Variants in CDC16 observed in about 807,000 individuals in gnomAD.
CDC16 encodes the protein cell division cycle 16.
A neutral mutation model predicts 87.0 loss-of-function variants in CDC16; 34 were observed. The ratio of observed to expected loss-of-function variants is 0.39; its 90% CI spans 0.30 to 0.52. The LOEUF (loss-of-function observed/expected upper bound fraction) is 0.52, where lower values mean the gene tolerates loss of function less well. Ranked by LOEUF, CDC16 falls within the 20% of genes least tolerant of loss-of-function variation. The pLI, the probability that CDC16 is intolerant of heterozygous loss-of-function variation, is 0.74. For synonymous variants in CDC16, 263 were observed against 260.6 expected, an observed-to-expected ratio of 1.01 and a Z score of -0.09; for missense variants, 653 against 751.9, an observed-to-expected ratio of 0.87 and a Z score of 1.54.
chr13:114,237,181 G>A (rs1160214139), intron 3 of CDC16, among the ~76,000 whole-genome samples: 2 of 151,466 alleles, frequency 1.3e-5, no homozygotes, highest in Non-Finnish European at 2.9e-5. Flanking sequence ...CTGAGTTCGT[G>A]CATTGCACTC....
In CDC16 at chr13:114,239,016, A is replaced by C; in HGVS notation, c.228A>C (p.Ala76=). The C allele has an allele frequency of 6.2e-7, 1 of 1,612,144 alleles. No individual in the cohort carries two copies. The highest frequency in any genetic ancestry group is 8.5e-7 in the Non-Finnish European group (1 of 1,178,796). The change falls in exon 4 of 18, where the codon GCA becomes GCC. Residue 76 remains alanine, a synonymous_variant. Transcript: ENST00000356221. ...DKLYEACRYL[A]ARCHYAAKEH... is the part of the protein sequence containing the mutation. Reference sequence around the variant, plus strand: ...TGTATGAAGCATGTCGTTACCTTGCAGCTAGGTGCCATGTAAGTATGCTCA... The same window carrying C: ...TGTATGAAGCATGTCGTTACCTTGCCGCTAGGTGCCATGTAAGTATGCTCA...
intron 17 of CDC16, among the ~76,000 whole-genome samples, chr13:114,269,205 G>A (rs1444536901): frequency 2.0e-5 from 3 of 152,176 alleles, no homozygotes; most frequent in African/African-American, 7.2e-5. Context: ...TGGGTGCTGA[G>A]TCTCTCTCTG....
chr13:114,262,548 CACTG>C (rs2082920402), intron 15 of CDC16, among the ~76,000 whole-genome samples: 1 of 152,200 alleles, frequency 6.6e-6, no homozygotes, highest in African/African-American at 2.4e-5. Context: ...TGATATGGGA[CACTG>C]ACTGTCACCT....
At chr13:114,260,356 A>G (rs542354462) in intron 14 of CDC16, among the ~76,000 whole-genome samples, 2 of 152,302 alleles carry the variant, frequency 1.3e-5, no homozygotes, top group East Asian at 1.9e-4. Flanking sequence ...GGATAATCCA[A>G]GTGTTTTGTT....
At chr13:114,257,306 G>C in intron 13 of CDC16, 76 bp downstream of exon 13, 55 of 777,590 alleles carry the variant, frequency 7.1e-5, no homozygotes, top group East Asian at 6.7e-5. Flanking sequence ...AGAGTTCACT[G>C]ACAAAAGCGA....
chr13:114,250,688 A>G lies in CDC16; in HGVS notation c.1097+14A>G, dbSNP rs2138994377. On this transcript the variant is annotated intron_variant, in intron 12 of 17. Transcript: ENST00000356221. ...GCTGATGAAAGGGTACGGCAGAGCA[A>G]ACTCATCAAACTCCATGAAGGGATG... The G allele has an allele frequency of 6.2e-7, 1 of 1,612,674 alleles. No individual in the cohort carries two copies. Among genetic ancestry groups the G allele is most frequent in the East Asian group, 2.2e-5 (1 of 44,840 alleles).
intron 13 of CDC16, among the ~76,000 whole-genome samples, chr13:114,258,703 A>G (rs2082656457): frequency 6.6e-6 from 1 of 152,228 alleles, no homozygotes; most frequent in Non-Finnish European, 1.5e-5. Context: ...TTGATCAATT[A>G]GAGAAAATGT....
chr13:114,239,439 C>G lies in CDC16; in HGVS notation c.330C>G (p.Asp110Glu). The change falls in exon 5 of 18, where the codon GAC (aspartate) becomes GAG (glutamate). Residue 110 changes from aspartate (D) to glutamate (E), a missense_variant. Coordinates refer to ENST00000356221, the MANE Select transcript of CDC16 (RefSeq NM_001078645.3). The part of the protein sequence containing the change: ...NKRLFEKYLK[D>E]ESGFKDPSSD... The stretch of plus-strand genomic sequence containing the variant: ...GATTATTTGAAAAATACTTGAAGGA[C>G]GAAAGTGGCTTCAAAGATCCTTCCA... 1 of 1,612,508 alleles carries G rather than the reference C, an allele frequency of 6.2e-7. No homozygotes were observed. The highest frequency in any genetic ancestry group is 8.5e-7 in the Non-Finnish European group (1 of 1,178,970).
chr13:114,251,407 T>A (rs573003479), intron 12 of CDC16, among the ~76,000 whole-genome samples: 1 of 152,338 alleles, frequency 6.6e-6, no homozygotes, highest in African/African-American at 2.4e-5. Flanking sequence ...TAATACCAAT[T>A]AAAGACTTTG....
At chr13:114,237,399 T>C (rs557700525) in intron 3 of CDC16, among the ~76,000 whole-genome samples, 1 of 152,124 alleles carries the variant, frequency 6.6e-6, no homozygotes, top group African/African-American at 2.4e-5. Flanking sequence ...AAGTGATCCT[T>C]CTGCCTCAGC....
Position 114,239,408 on chromosome 13 carries a change from A to G in CDC16, c.299A>G (p.Asn100Ser), listed in dbSNP as rs559575538. 46 of 1,613,476 alleles carry G rather than the reference A, an allele frequency of 2.9e-5. No individual in the cohort carries two copies. The East Asian group carries it at 9.4e-4, about 33-fold the overall frequency. Residue 100 changes from asparagine (N) to serine (S), a missense_variant, in exon 5 of 18, where the codon AAT becomes AGT. Asn to Ser is a conservative substitution (Grantham distance 46). Coordinates refer to ENST00000356221, the MANE Select transcript of CDC16 (RefSeq NM_001078645.3). ...GTTCTTGACATGGAAGAGCCCATCA[A>G]TAAAAGATTATTTGAAAAATACTTG... is the stretch of plus-strand genomic sequence containing the variant. Reference protein sequence around the residue: ...LDVLDMEEPINKRLFEKYLKD... With the variant: ...LDVLDMEEPISKRLFEKYLKD...
chr13:114,258,330 G>C (rs1365933250), intron 13 of CDC16, among the ~76,000 whole-genome samples: 3 of 152,220 alleles, frequency 2.0e-5, no homozygotes, highest in Non-Finnish European at 4.4e-5. Context: ...AGAAAGCTGG[G>C]TCTCCTGGCA....
At chr13:114,271,470 G>A (rs2083650257) in intron 17 of CDC16, among the ~76,000 whole-genome samples, 5 of 151,538 alleles carry the variant, frequency 3.3e-5, no homozygotes, top group Admixed American at 3.3e-4. Flanking sequence ...TACCCAATGG[G>A]CACAGCACAG....
chr13:114,236,136 G>A (rs1327117297), intron 1 of CDC16, among the ~76,000 whole-genome samples: 1 of 152,188 alleles, frequency 6.6e-6, no homozygotes, highest in Non-Finnish European at 1.5e-5. Context: ...ACTTGGAGGA[G>A]GTGAGTTCTT....
chr13:114,242,476 G>A, intron 6 of CDC16, 196 bp downstream of exon 6: 2 of 544,926 alleles, frequency 3.7e-6, no homozygotes, highest in Non-Finnish European at 6.4e-6. Flanking sequence ...TCCGAATCTA[G>A]GGATTGTGAT....
chr13:114,260,689 T>C (rs1290427129), intron 14 of CDC16, among the ~76,000 whole-genome samples: 1 of 152,206 alleles, frequency 6.6e-6, no homozygotes, highest in South Asian at 2.1e-4. Context: ...AAAATGCTCA[T>C]TAAAAAGTTA....
intron 14 of CDC16, among the ~76,000 whole-genome samples, chr13:114,259,963 T>G (rs1181620564): frequency 6.6e-6 from 1 of 152,216 alleles, no homozygotes. Flanking sequence ...CTAACAATTA[T>G]CAAGGATGTG....
chr13:114,238,884 AAGG>A lies in CDC16; in HGVS notation c.202-103_202-101del, dbSNP rs369535698. ...ATTTTTTTTTTAACTGCAAGAGTAA[AAGG>A]AGAAATTATGAAATTAGTTCTATTT... On this transcript the variant is annotated intron_variant, in intron 3 of 17. Coordinates refer to ENST00000356221, the MANE Select transcript of CDC16 (RefSeq NM_001078645.3). 597 of 1,407,014 alleles carry A rather than the reference AAGG, an allele frequency of 4.2e-4. 3 individuals are homozygous for A. In the African/African-American group the frequency reaches 8.1e-3, roughly 19 times the overall value. 87.2% of individuals were successfully genotyped at this position (1,407,014 alleles called of 1,614,324 possible). A position where few individuals can be genotyped will look rare whatever the true frequency, so the allele number is the denominator to read the frequency against.
At chr13:114,246,904 G>GTT (rs774293906) in intron 10 of CDC16, 27 bp from the exon 11 acceptor site, 52 of 1,457,206 alleles carry the variant, frequency 3.6e-5, no homozygotes, top group Admixed American at 3.0e-4. Context: ...TCCAATCTTT[G>GTT]TTTATGGTAA....
Sources: allele counts gnomAD v4.1 joint callset (sites outside exome capture counted in the v4.1 genomes callset), GRCh38; gene constraint gnomAD v4.1.1; transcripts MANE v1.5; gene names NCBI Gene and HGNC (gene_info 2026-07-23, HGNC 2026-07-21).